The following UBXN2A variants were observed in gnomAD, a reference collection of about 807,000 sequenced individuals.
UBXN2A encodes the protein UBX domain protein 2A, also known as UBX domain-containing protein 2A.
Under a neutral mutation model 28.4 loss-of-function variants are expected in UBXN2A, and 28 were observed. The ratio of observed to expected loss-of-function variants is 0.99; its 90% CI spans 0.73 to 1.35. The LOEUF (loss-of-function observed/expected upper bound fraction) is 1.35, where lower values mean the gene tolerates loss of function less well. UBXN2A is among the 40% of genes most tolerant of loss of function. UBXN2A has a pLI of 0.00. For missense variants in UBXN2A, 253 were observed against 297.9 expected (o/e 0.85, Z 1.11); for synonymous variants, 97 against 103.6 (o/e 0.94, Z 0.39).
At chr2:23,956,609 T>C (rs1018518060) in intron 1 of UBXN2A, among the ~76,000 whole-genome samples, 1 of 152,146 alleles carries the variant, frequency 6.6e-6, no homozygotes. Flanking sequence ...CTCCTTGGCC[T>C]CCCAAAGTGC....
intron 1 of UBXN2A, among the ~76,000 whole-genome samples, chr2:23,931,292 C>T (rs1705360851): frequency 6.6e-6 from 1 of 152,032 alleles, no homozygotes; most frequent in Non-Finnish European, 1.5e-5. Context: ...ACTGAAAATA[C>T]AAAAATGAGC....
chr2:23,966,221 C>G (rs964907111), intron 2 of UBXN2A, among the ~76,000 whole-genome samples: 2 of 152,026 alleles, frequency 1.3e-5, no homozygotes, highest in African/African-American at 4.8e-5. Context: ...TCACTGCAAC[C>G]TCCGCCTCCC....
intron 4 of UBXN2A, among the ~76,000 whole-genome samples, chr2:23,978,673 A>G (rs1707772914): frequency 6.6e-6 from 1 of 151,296 alleles, no homozygotes; most frequent in Non-Finnish European, 1.5e-5. Context: ...TTTAAAGAAA[A>G]AAAATTGTAG....
chr2:23,965,425 G>A (rs905567833), intron 2 of UBXN2A, among the ~76,000 whole-genome samples: 4 of 152,096 alleles, frequency 2.6e-5, no homozygotes, highest in Admixed American at 2.0e-4. Flanking sequence ...TATTATGAAT[G>A]GTTGTTAGAT....
Position 24,000,842 on chromosome 2 carries a change from A to G in UBXN2A, c.*975A>G, listed in dbSNP as rs1005714822. ...TTTCTAAAAAGCCTATTCCCTTTCC[A>G]TTTTATTTTCTTTCAAAAATTATGG... On this transcript the variant is annotated 3_prime_UTR_variant, in exon 7 of 7. Coordinates refer to ENST00000309033, the MANE Select transcript of UBXN2A (RefSeq NM_181713.4). 1 of 152,154 alleles carries G rather than the reference A, an allele frequency of 6.6e-6. No homozygotes were observed. Among genetic ancestry groups the G allele is most frequent in the Non-Finnish European group, 1.5e-5 (1 of 68,020 alleles). The allele number at this position is 152,154 out of a possible 1,614,324, so 9.4% of individuals were successfully genotyped here. A position where few individuals can be genotyped will look rare whatever the true frequency, so the allele number is the denominator to read the frequency against.
rs763285894 is a variant in UBXN2A, at chr2:23,984,699, C to T, written c.452C>T (p.Ala151Val). 2 of 1,542,612 alleles carry T rather than the reference C, an allele frequency of 1.3e-6. No individual in the cohort carries two copies. Among genetic ancestry groups the T allele is most frequent in the East Asian group, 2.4e-5 (1 of 41,106 alleles). ...GCCACACCAAAAATTGTTTCTAAAGCAAAGAATATTGAAGTTGAAAATAAA... is the reference window on the plus strand; with the variant it reads ...GCCACACCAAAAATTGTTTCTAAAGTAAAGAATATTGAAGTTGAAAATAAA... The part of the protein sequence containing the change: ...GSATPKIVSK[A>V]KNIEVENKNN... Residue 151 changes from alanine (A) to valine (V), a missense_variant, in exon 6 of 7, where the codon GCA becomes GTA. Ala to Val is a moderately conservative substitution (Grantham distance 64, BLOSUM62 0). Transcript: ENST00000309033.
intron 2 of UBXN2A, among the ~76,000 whole-genome samples, chr2:23,958,685 G>A (rs1280684542): frequency 1.3e-5 from 2 of 152,134 alleles, no homozygotes; most frequent in South Asian, 2.1e-4. Flanking sequence ...ATATGGCTTT[G>A]GAGTCAGATA....
rs575130024 is a variant in UBXN2A, at chr2:23,983,171, T to A, written c.425+138T>A. On this transcript the variant is annotated intron_variant, in intron 5 of 6. Transcript: ENST00000309033. The stretch of plus-strand genomic sequence containing the variant: ...GAAATCAGATTTTTTTTAATGTTAA[T>A]TTTTATGAGGACACATAAGTCATAG... 10 of 1,058,580 alleles carry A rather than the reference T, an allele frequency of 9.4e-6. No individual in the cohort carries two copies. In the Admixed American group the frequency reaches 4.0e-4, roughly 42 times the overall value. 65.6% of individuals were successfully genotyped at this position (1,058,580 alleles called of 1,614,324 possible).
At chr2:23,963,491 A>G (rs78460278) in intron 2 of UBXN2A, among the ~76,000 whole-genome samples, 11,868 of 151,760 alleles carry the variant, frequency 0.078, 601 homozygotes, top group South Asian at 0.12. Context: ...AAAAAAGAGA[A>G]AAGTGGAAAA....
At chr2:23,956,023 C>T (rs1706603949) in intron 1 of UBXN2A, among the ~76,000 whole-genome samples, 1 of 152,116 alleles carries the variant, frequency 6.6e-6, no homozygotes, top group African/African-American at 2.4e-5. Context: ...TGCCACTATG[C>T]CGAGCTGATT....
chr2:23,930,049 C>T (rs1384188968), intron 1 of UBXN2A, among the ~76,000 whole-genome samples: 1 of 152,012 alleles, frequency 6.6e-6, no homozygotes, highest in Non-Finnish European at 1.5e-5. Flanking sequence ...CCACCACGCC[C>T]GGCTAATTTT....
chr2:23,988,444 C>A (rs989111067), intron 6 of UBXN2A, among the ~76,000 whole-genome samples: 5 of 152,172 alleles, frequency 3.3e-5, no homozygotes, highest in African/African-American at 1.2e-4. Context: ...ATTTTTATAA[C>A]CTTGACTTTT....
At chr2:23,994,464 T>C (rs974232257) in intron 6 of UBXN2A, among the ~76,000 whole-genome samples, 1 of 152,204 alleles carries the variant, frequency 6.6e-6, no homozygotes, top group Non-Finnish European at 1.5e-5. Flanking sequence ...GTGTATCTTA[T>C]ATTCTTTTCT....
intron 2 of UBXN2A, among the ~76,000 whole-genome samples, chr2:23,964,667 G>A (rs1707090877): frequency 6.6e-6 from 1 of 152,172 alleles, no homozygotes; most frequent in Non-Finnish European, 1.5e-5. Flanking sequence ...ATAGGTCCTA[G>A]AGATATGCTG....
intron 4 of UBXN2A, among the ~76,000 whole-genome samples, chr2:23,981,051 CT>C (rs535863281): frequency 3.3e-5 from 5 of 151,950 alleles, no homozygotes; most frequent in Non-Finnish European, 7.4e-5. Flanking sequence ...CTTTGAGTGC[CT>C]TTTAACTCAA....
chr2:23,943,138 G>T (rs1705855721), intron 1 of UBXN2A, among the ~76,000 whole-genome samples: 1 of 151,902 alleles, frequency 6.6e-6, no homozygotes, highest in African/African-American at 2.4e-5. Context: ...TGTATTTTTG[G>T]TAGAGACGGG....
At chr2:23,949,228 C>T (rs1262808059) in intron 1 of UBXN2A, among the ~76,000 whole-genome samples, 2 of 150,416 alleles carry the variant, frequency 1.3e-5, no homozygotes, top group African/African-American at 4.9e-5. Context: ...TCCCAAAGTG[C>T]CGGGATTACA....
rs141064188 is a variant in UBXN2A at position 23,989,002 on chromosome 2, G to T, written c.584+4171G>T. Among the ~76,000 whole-genome samples the T allele has an allele frequency of 9.2e-5, 14 of 151,988 alleles. No individual in the cohort carries two copies. In the East Asian group the frequency reaches 2.5e-3, roughly 27 times the overall value. ...CAGGAATCCCTAGTTCTTTTTAGTG[G>T]ACAGCGGTATTGACAATCCAGGATC... On this transcript the variant is annotated intron_variant, in intron 6 of 6. Transcript: ENST00000309033.
chr2:23,994,987 A>G (rs369125436), intron 6 of UBXN2A, among the ~76,000 whole-genome samples: 1 of 152,210 alleles, frequency 6.6e-6, no homozygotes, highest in African/African-American at 2.4e-5. Flanking sequence ...GGCAGAGCTT[A>G]AACTCTAGAG....
Sources: gnomAD v4.1 joint callset for allele counts (sites outside exome capture counted in the v4.1 genomes callset) on GRCh38, gnomAD v4.1.1 for gene constraint, MANE v1.5 for transcripts, NCBI Gene and HGNC (gene_info 2026-07-23, HGNC 2026-07-21) for gene names.